SLC25A21: variants seen among roughly 807,000 people sequenced by gnomAD.
The protein encoded by SLC25A21 is solute carrier family 25 member 21.
SLC25A21 carries 47 observed loss-of-function variants against 43.8 expected under a neutral mutation model. The observed-to-expected ratio is 1.07, with a 90% CI of 0.85 to 1.37. The LOEUF (loss-of-function observed/expected upper bound fraction) is 1.37, where lower values mean the gene tolerates loss of function less well. SLC25A21 is among the 40% of genes most tolerant of loss of function. The pLI, the probability that SLC25A21 is intolerant of heterozygous loss-of-function variation, is 0.00. For synonymous variants in SLC25A21, 131 were observed against 121.3 expected (o/e 1.08, Z -0.52); for missense variants, 352 against 350.2 (o/e 1.00, Z -0.04).
intron 3 of SLC25A21, among the ~76,000 whole-genome samples, chr14:36,747,939 G>T (rs1187824233): frequency 6.6e-6 from 1 of 152,182 alleles, no homozygotes; most frequent in African/African-American, 2.4e-5. Flanking sequence ...TATTTCTACA[G>T]GAATTGAGAC....
At chr14:37,150,860 C>A (rs768765031) in intron 1 of SLC25A21, among the ~76,000 whole-genome samples, 2 of 152,126 alleles carry the variant, frequency 1.3e-5, no homozygotes, top group Non-Finnish European at 2.9e-5. Flanking sequence ...CCTGCCTCTA[C>A]AATCATGCCC....
chr14:37,125,176 G>T (rs2138897152), intron 1 of SLC25A21, among the ~76,000 whole-genome samples: 1 of 152,254 alleles, frequency 6.6e-6, no homozygotes, highest in African/African-American at 2.4e-5. Context: ...ACAACTCAGA[G>T]TGTCGGTTTC....
chr14:36,937,084 G>A (rs1325178583), intron 1 of SLC25A21, among the ~76,000 whole-genome samples: 1 of 152,190 alleles, frequency 6.6e-6, no homozygotes, highest in African/African-American at 2.4e-5. Flanking sequence ...TCAGGGCCAT[G>A]CTAAGTTTCC....
At chr14:37,010,311 A>ACTGC (rs1440120686) in intron 1 of SLC25A21, among the ~76,000 whole-genome samples, 1 of 152,244 alleles carries the variant, frequency 6.6e-6, no homozygotes, top group East Asian at 1.9e-4. Flanking sequence ...TGAAATGACC[A>ACTGC]CTGCCTGACA....
intron 9 of SLC25A21, among the ~76,000 whole-genome samples, chr14:36,680,997 A>G (rs1020238307): frequency 7.9e-5 from 12 of 152,338 alleles, no homozygotes; most frequent in African/African-American, 2.9e-4. Context: ...TTCAATTTTT[A>G]AAAGTAAATA....
At chr14:36,729,621 TTTAA>T in intron 4 of SLC25A21, 55 bp from the exon 5 acceptor site, 1 of 1,405,852 alleles carries the variant, frequency 7.1e-7, no homozygotes. Flanking sequence ...CAACAAACTC[TTTAA>T]TTGACTCAAA....
intron 1 of SLC25A21, among the ~76,000 whole-genome samples, chr14:37,047,259 A>C (rs900569328): frequency 1.3e-5 from 2 of 152,184 alleles, no homozygotes; most frequent in Non-Finnish European, 2.9e-5. Flanking sequence ...GGGAACATGG[A>C]CTGGGTGTCA....
intron 1 of SLC25A21, among the ~76,000 whole-genome samples, chr14:36,924,695 A>G (rs1053460807): frequency 1.5e-5 from 2 of 130,480 alleles, no homozygotes; most frequent in Non-Finnish European, 3.2e-5. Context: ...AAGCAATACA[A>G]CAATAAAAAG....
intron 2 of SLC25A21, among the ~76,000 whole-genome samples, chr14:36,827,736 G>A (rs1217772105): frequency 1.3e-5 from 2 of 152,068 alleles, no homozygotes; most frequent in Non-Finnish European, 2.9e-5. Context: ...AGAGTTAAAA[G>A]GTTATGAAAA....
chr14:36,762,755 C>T (rs1274318250), intron 3 of SLC25A21, among the ~76,000 whole-genome samples: 1 of 152,134 alleles, frequency 6.6e-6, no homozygotes, highest in Non-Finnish European at 1.5e-5. Context: ...ATGCCCATCT[C>T]CTTGAGTTGG....
intron 1 of SLC25A21, among the ~76,000 whole-genome samples, chr14:36,921,587 C>T (rs1171406900): frequency 1.3e-5 from 2 of 152,104 alleles, no homozygotes; most frequent in Admixed American, 1.3e-4. Context: ...GAAAAGAGTC[C>T]ATACAGTATG....
At chr14:36,756,723 T>C (rs1456642633) in intron 3 of SLC25A21, among the ~76,000 whole-genome samples, 1 of 152,200 alleles carries the variant, frequency 6.6e-6, no homozygotes, top group Non-Finnish European at 1.5e-5. Context: ...ATAAAACCAT[T>C]AACCTGGTAC....
intron 3 of SLC25A21, among the ~76,000 whole-genome samples, chr14:36,758,875 G>GC (rs1886035301): frequency 6.6e-6 from 1 of 152,210 alleles, no homozygotes; most frequent in Non-Finnish European, 1.5e-5. Flanking sequence ...ACAATCAAGT[G>GC]TGAGTTACAT....
chr14:36,931,043 C>A (rs998600776), intron 1 of SLC25A21, among the ~76,000 whole-genome samples: 1 of 152,110 alleles, frequency 6.6e-6, no homozygotes, highest in Non-Finnish European at 1.5e-5. Context: ...CTCCTCTGGG[C>A]TCCCACAGAC....
intron 1 of SLC25A21, among the ~76,000 whole-genome samples, chr14:37,074,516 GC>G (rs1455493520): frequency 6.6e-6 from 1 of 152,098 alleles, no homozygotes; most frequent in African/African-American, 2.4e-5. Context: ...ATTGGGTTTA[GC>G]CAATGGGAAG....
intron 1 of SLC25A21, among the ~76,000 whole-genome samples, chr14:37,016,363 C>T (rs1202252336): frequency 1.3e-5 from 2 of 151,992 alleles, no homozygotes; most frequent in Non-Finnish European, 2.9e-5. Context: ...AGATATGCGG[C>T]GTTATTTCTG....
intron 3 of SLC25A21, among the ~76,000 whole-genome samples, chr14:36,771,099 C>T (rs1254074490): frequency 2.6e-5 from 4 of 152,154 alleles, no homozygotes; most frequent in Non-Finnish European, 5.9e-5. Context: ...TGTAGGTTTT[C>T]AAGAATAATC....
At position 36,680,173 on chromosome 14, in the gene SLC25A21, A is replaced by AAAT. The variant is rs1366421025; in HGVS notation, c.*482_*484dup. The AAAT allele has an allele frequency of 1.2e-6, 1 of 840,354 alleles. No homozygotes were observed. Among genetic ancestry groups the AAAT allele is most frequent in the Admixed American group, 6.2e-5 (1 of 16,072 alleles). 52.1% of individuals were successfully genotyped at this position (840,354 alleles called of 1,614,324 possible). On this transcript the variant is annotated 3_prime_UTR_variant, in exon 10 of 10. Coordinates refer to ENST00000331299, the MANE Select transcript of SLC25A21 (RefSeq NM_030631.4). ...TTAAAAAATTTTTCTTGTGCTCTTT[A>AAAT]AATATTATTTATGGAATAATTTAAT...
At chr14:36,823,610 T>C (rs916393980) in intron 2 of SLC25A21, among the ~76,000 whole-genome samples, 2 of 152,072 alleles carry the variant, frequency 1.3e-5, no homozygotes, top group Admixed American at 1.3e-4. Context: ...AGACTGGAAA[T>C]AGAACCCATT....
Sources: allele counts gnomAD v4.1 joint callset (sites outside exome capture counted in the v4.1 genomes callset), GRCh38; gene constraint gnomAD v4.1.1; transcripts MANE v1.5; gene names NCBI Gene and HGNC (gene_info 2026-07-23, HGNC 2026-07-21).